Variants in ELOVL6 observed in about 807,000 individuals in gnomAD.
ELOVL6 encodes ELOVL fatty acid elongase 6, also known as very long chain fatty acid elongase 6.
ELOVL6 carries 8 observed loss-of-function variants against 31.7 expected under a neutral mutation model. The ratio of observed to expected loss-of-function variants is 0.25; its 90% CI spans 0.15 to 0.45. The LOEUF (loss-of-function observed/expected upper bound fraction) is 0.45. ELOVL6 is among the 20% of genes least tolerant of loss of function. ELOVL6 has a pLI of 1.00. For missense variants in ELOVL6, 126 were observed against 326.4 expected, an observed-to-expected ratio of 0.39 and a Z score of 4.73; for synonymous variants, 101 against 117.7, an observed-to-expected ratio of 0.86 and a Z score of 0.92.
chr4:110,084,497 TATATATC>T (rs1171784446), intron 2 of ELOVL6, among the ~76,000 whole-genome samples: 3,795 of 116,492 alleles, frequency 0.033, 467 homozygotes, highest in African/African-American at 0.13. Flanking sequence ...TGTATACACA[TATATATC>T]ATATATGTGT....
chr4:110,127,406 CAAAAAAAAA>C (rs572027886), intron 1 of ELOVL6, among the ~76,000 whole-genome samples: 2 of 85,516 alleles, frequency 2.3e-5, no homozygotes, highest in Admixed American at 1.6e-4. Context: ...GATTCCGTCT[CAAAAAAAAA>C]AAAAAAAAAA....
At chr4:110,099,911 T>C (rs1407254437) in intron 2 of ELOVL6, among the ~76,000 whole-genome samples, 1 of 152,208 alleles carries the variant, frequency 6.6e-6, no homozygotes, top group Non-Finnish European at 1.5e-5. Context: ...TGTTGCCATA[T>C]CAAAGTTGGA....
intron 2 of ELOVL6, among the ~76,000 whole-genome samples, chr4:110,095,629 T>C (rs1239482741): frequency 1.3e-5 from 2 of 152,168 alleles, no homozygotes; most frequent in East Asian, 3.8e-4. Flanking sequence ...TGTACATTTT[T>C]ATGGTGAGAT....
At chr4:110,177,086 G>A (rs866507689) in intron 1 of ELOVL6, among the ~76,000 whole-genome samples, 12 of 152,300 alleles carry the variant, frequency 7.9e-5, no homozygotes, top group Middle Eastern at 3.4e-3. Context: ...CTCTGTCAGT[G>A]AATGGTCCAA....
intron 1 of ELOVL6, among the ~76,000 whole-genome samples, chr4:110,164,023 T>C (rs986843093): frequency 2.0e-5 from 3 of 152,212 alleles, no homozygotes; most frequent in African/African-American, 7.2e-5. Flanking sequence ...ATTACTCAGT[T>C]GAAAGCAAAA....
intron 1 of ELOVL6, among the ~76,000 whole-genome samples, chr4:110,168,225 T>C (rs1758838799): frequency 6.6e-6 from 1 of 152,038 alleles, no homozygotes; most frequent in Non-Finnish European, 1.5e-5. Flanking sequence ...AGAGTAAGGG[T>C]CAAATTCAGG....
intron 1 of ELOVL6, among the ~76,000 whole-genome samples, chr4:110,119,213 C>A (rs1161658084): frequency 1.3e-5 from 2 of 152,224 alleles, no homozygotes; most frequent in East Asian, 3.9e-4. Context: ...AGGTGAATCA[C>A]TTGAACCCAG....
intron 1 of ELOVL6, among the ~76,000 whole-genome samples, chr4:110,114,415 A>C: frequency 6.6e-6 from 1 of 152,054 alleles, no homozygotes; most frequent in East Asian, 1.9e-4. Context: ...TCAAGATTGG[A>C]ACAGACCTTA....
chr4:110,079,659 T>A (rs1312478081), intron 2 of ELOVL6, among the ~76,000 whole-genome samples: 1 of 151,988 alleles, frequency 6.6e-6, no homozygotes, highest in Admixed American at 6.6e-5. Context: ...ATTGACACCC[T>A]AACATCACAA....
intron 1 of ELOVL6, among the ~76,000 whole-genome samples, chr4:110,191,559 T>G (rs1180102433): frequency 6.6e-6 from 1 of 152,222 alleles, no homozygotes; most frequent in South Asian, 2.1e-4. Context: ...AAGTTAATCA[T>G]TAAGACAATG....
chr4:110,106,489 C>T (rs1353335793), intron 1 of ELOVL6, among the ~76,000 whole-genome samples: 1 of 152,072 alleles, frequency 6.6e-6, no homozygotes, highest in Non-Finnish European at 1.5e-5. Context: ...ACTGAGGGTT[C>T]CTTCCCTTTT....
chr4:110,084,027 C>T (rs1178990203), intron 2 of ELOVL6, among the ~76,000 whole-genome samples: 615 of 6,330 alleles, frequency 0.097, 39 homozygotes, highest in Middle Eastern at 0.17. Context: ...TAACATATGC[C>T]ATATATGGTA....
At chr4:110,135,584 A>G (rs1272537118) in intron 1 of ELOVL6, among the ~76,000 whole-genome samples, 4 of 152,194 alleles carry the variant, frequency 2.6e-5, no homozygotes, top group African/African-American at 9.6e-5. Flanking sequence ...AATTGTTTAA[A>G]TAGGTAAGTT....
At chr4:110,065,337 T>TTGGGC (rs1426559316) in intron 2 of ELOVL6, among the ~76,000 whole-genome samples, 2 of 152,180 alleles carry the variant, frequency 1.3e-5, no homozygotes, top group Non-Finnish European at 2.9e-5. Context: ...AAACCAGGCT[T>TTGGGC]TGGGCTGGGC....
intron 2 of ELOVL6, among the ~76,000 whole-genome samples, chr4:110,091,408 A>G (rs1361601249): frequency 6.6e-6 from 1 of 152,194 alleles, no homozygotes; most frequent in African/African-American, 2.4e-5. Context: ...GGCAGAAATT[A>G]GATTTTCTTC....
intron 1 of ELOVL6, among the ~76,000 whole-genome samples, chr4:110,188,201 A>C (rs568194863): frequency 1.3e-5 from 2 of 152,340 alleles, no homozygotes; most frequent in African/African-American, 4.8e-5. Context: ...GAGTGCAAGA[A>C]ATTAATATCA....
At position 110,152,980 on chromosome 4, in the gene ELOVL6, A is replaced by G. The variant is rs555605525; in HGVS notation, c.89+45267T>C. Among the ~76,000 whole-genome samples the G allele has an allele frequency of 2.6e-5, 4 of 152,312 alleles. No homozygotes were observed. The East Asian group carries it at 7.7e-4, about 29-fold the overall frequency. On this transcript the variant is annotated intron_variant, in intron 1 of 3. Coordinates refer to ENST00000302274, the MANE Select transcript of ELOVL6 (RefSeq NM_024090.3). ...ACCTATGTGACCCCTCCGTGAGTAT[A>G]AACACTGGTCTATTGAAGAGCAGGA...
At chr4:110,074,257 T>C (rs1158645430) in intron 2 of ELOVL6, among the ~76,000 whole-genome samples, 2 of 152,234 alleles carry the variant, frequency 1.3e-5, no homozygotes, top group African/African-American at 2.4e-5. Context: ...GGATTACTTA[T>C]AATAACACAA....
chr4:110,085,873 C>A (rs1025874122), intron 2 of ELOVL6, among the ~76,000 whole-genome samples: 1 of 152,122 alleles, frequency 6.6e-6, no homozygotes, highest in African/African-American at 2.4e-5. Context: ...CTCCACCATG[C>A]CCAGCTAAAT....
Sources: allele counts gnomAD v4.1 joint callset (sites outside exome capture counted in the v4.1 genomes callset), GRCh38; gene constraint gnomAD v4.1.1; transcripts MANE v1.5; gene names NCBI Gene and HGNC (gene_info 2026-07-23, HGNC 2026-07-21).